The following DGKB variants were observed in gnomAD, a reference collection of about 807,000 sequenced individuals.
The protein encoded by DGKB is diacylglycerol kinase beta, also known as 90 kDa diacylglycerol kinase.
DGKB carries 67 observed loss-of-function variants against 114.3 expected under a neutral mutation model. The ratio of observed to expected loss-of-function variants is 0.59; its 90% CI spans 0.48 to 0.72. The LOEUF (loss-of-function observed/expected upper bound fraction) is 0.72, where lower values mean the gene tolerates loss of function less well. Among genes scored for constraint, DGKB ranks in the 30% least tolerant of loss-of-function variants. The pLI is 0.00. For missense variants in DGKB, 907 were observed against 975.2 expected, an observed-to-expected ratio of 0.93 and a Z score of 0.93; for synonymous variants, 398 against 323.1, an observed-to-expected ratio of 1.23 and a Z score of -2.49.
At chr7:14,817,468 CAT>C (rs1844317028) in intron 2 of DGKB, among the ~76,000 whole-genome samples, 1 of 152,020 alleles carries the variant, frequency 6.6e-6, no homozygotes, top group Admixed American at 6.6e-5. Flanking sequence ...GAAATAAAAA[CAT>C]AAAAGCTTCT....
chr7:14,667,695 G>GA (rs1818275195), intron 13 of DGKB, among the ~76,000 whole-genome samples: 3 of 152,248 alleles, frequency 2.0e-5, no homozygotes, highest in South Asian at 4.1e-4. Flanking sequence ...TTCGCAGACT[G>GA]AAAAGGCTCA....
chr7:14,369,058 C>T (rs963680753), intron 21 of DGKB, among the ~76,000 whole-genome samples: 3 of 152,102 alleles, frequency 2.0e-5, no homozygotes, highest in African/African-American at 4.8e-5. Flanking sequence ...TCTCCTAATG[C>T]TATCCCTCCC....
chr7:14,953,277 G>A (rs1450348354), intron 1 of DGKB, among the ~76,000 whole-genome samples: 1 of 152,052 alleles, frequency 6.6e-6, no homozygotes, highest in Non-Finnish European at 1.5e-5. Context: ...ACAAACTACT[G>A]AATGGATAAA....
intron 5 of DGKB, among the ~76,000 whole-genome samples, chr7:14,719,943 G>A (rs1340505444): frequency 6.6e-6 from 1 of 152,112 alleles, no homozygotes; most frequent in Non-Finnish European, 1.5e-5. Flanking sequence ...ATTAGGGACC[G>A]TCTTACAGAT....
chr7:14,691,314 T>G (rs1051757035), intron 9 of DGKB, among the ~76,000 whole-genome samples: 2 of 152,158 alleles, frequency 1.3e-5, no homozygotes, highest in Admixed American at 1.3e-4. Context: ...GAGCTCATAA[T>G]TGACAATAGA....
Position 14,574,253 on chromosome 7 carries a change from C to G in DGKB, c.1729G>C (p.Val577Leu). The G allele has an allele frequency of 6.2e-7, 1 of 1,613,416 alleles. No individual in the cohort carries two copies. The highest frequency in any genetic ancestry group is 1.1e-5 in the South Asian group (1 of 91,056). ...PNDKDEKGDP[V>L]PYSIINNYFS... ...TAATTATTGATGATACTGTAAGGCA[C>G]TGGGTCTCCTTTCTCATCTTTGTCA... is the stretch of plus-strand genomic sequence containing the variant. Residue 577 changes from valine (V) to leucine (L), a missense_variant, in exon 20 of 26, where the codon GTG becomes CTG. Physicochemically the swap from Val to Leu is conservative, Grantham distance 32. Transcript: ENST00000402815.
At chr7:14,447,564 AAATTT>A (rs1452142134) in intron 21 of DGKB, among the ~76,000 whole-genome samples, 1 of 152,136 alleles carries the variant, frequency 6.6e-6, no homozygotes, top group Non-Finnish European at 1.5e-5. Context: ...ATTATAAGAT[AAATTT>A]AATTTAAAGC....
intron 17 of DGKB, among the ~76,000 whole-genome samples, chr7:14,597,252 G>A (rs1053228702): frequency 2.0e-5 from 3 of 151,898 alleles, no homozygotes; most frequent in Non-Finnish European, 4.4e-5. Context: ...TCTAACTATA[G>A]GCATAAAGGT....
intron 21 of DGKB, among the ~76,000 whole-genome samples, chr7:14,460,654 T>C (rs956572413): frequency 6.6e-6 from 1 of 151,976 alleles, no homozygotes; most frequent in Non-Finnish European, 1.5e-5. Context: ...ACAATAATAA[T>C]GGGAGACTTG....
chr7:14,621,052 A>C (rs1394411208), intron 15 of DGKB: 4 of 187,178 alleles, frequency 2.1e-5, no homozygotes, highest in East Asian at 3.2e-4. Context: ...ATATAGAGAG[A>C]TATAAAGTAT....
At chr7:14,572,777 C>T (rs1415666619) in intron 20 of DGKB, among the ~76,000 whole-genome samples, 2 of 152,164 alleles carry the variant, frequency 1.3e-5, no homozygotes, top group Admixed American at 1.3e-4. Context: ...AACTCAAAAA[C>T]TTCATGCTAG....
chr7:14,884,837 G>C (rs113638295), intron 1 of DGKB, among the ~76,000 whole-genome samples: 1 of 151,928 alleles, frequency 6.6e-6, no homozygotes, highest in Non-Finnish European at 1.5e-5. Flanking sequence ...TCTCTTTCAT[G>C]CCACTTTTTG....
At chr7:14,540,106 G>T (rs1226836532) in intron 20 of DGKB, among the ~76,000 whole-genome samples, 2 of 151,806 alleles carry the variant, frequency 1.3e-5, no homozygotes, top group African/African-American at 4.8e-5. Flanking sequence ...GTCTTCCAAG[G>T]AAGAAGCTAA....
intron 12 of DGKB, among the ~76,000 whole-genome samples, chr7:14,677,732 GA>G (rs1302325823): frequency 3.9e-5 from 6 of 151,978 alleles, no homozygotes. Flanking sequence ...GGATATTAAG[GA>G]TGTTAGTAAT....
chr7:14,920,941 C>T (rs546876202), intron 1 of DGKB, among the ~76,000 whole-genome samples: 1 of 151,780 alleles, frequency 6.6e-6, no homozygotes, highest in African/African-American at 2.4e-5. Context: ...TTTTTCATTC[C>T]CACTTTAAAT....
chr7:14,214,530 G>T (rs1342154020), intron 23 of DGKB, among the ~76,000 whole-genome samples: 1 of 151,784 alleles, frequency 6.6e-6, no homozygotes, highest in Non-Finnish European at 1.5e-5. Context: ...CTGGATAAGG[G>T]GATAAATGCA....
intron 25 of DGKB, among the ~76,000 whole-genome samples, chr7:14,154,955 C>A (rs1782780302): frequency 6.6e-6 from 1 of 151,002 alleles, no homozygotes. Flanking sequence ...TGTTTTAGTT[C>A]TCCAAATGTG....
chr7:14,701,621 T>C (rs1374367812), intron 7 of DGKB, 60 bp downstream of exon 7: 21 of 1,195,730 alleles, frequency 1.8e-5, no homozygotes, highest in South Asian at 8.7e-5. Flanking sequence ...AATTTATTCA[T>C]TGCATTCTTC....
chr7:14,626,124 G>A (rs1265618795), intron 14 of DGKB, among the ~76,000 whole-genome samples: 1 of 152,156 alleles, frequency 6.6e-6, no homozygotes, highest in Non-Finnish European at 1.5e-5. Context: ...ACATCATGCT[G>A]ATTCTCAGAG....
Sources: allele counts gnomAD v4.1 joint callset (sites outside exome capture counted in the v4.1 genomes callset), GRCh38; gene constraint gnomAD v4.1.1; transcripts MANE v1.5; gene names NCBI Gene and HGNC (gene_info 2026-07-23, HGNC 2026-07-21).